ARHGAP29: variants seen among roughly 807,000 people sequenced by gnomAD.
ARHGAP29 encodes the protein rho GTPase-activating protein 29.
ARHGAP29 carries 43 observed loss-of-function variants against 122.6 expected under a neutral mutation model. The observed-to-expected ratio is 0.35, with a 90% CI of 0.27 to 0.45. The LOEUF is 0.45. ARHGAP29 is among the 20% of genes least tolerant of loss of function. The probability of loss-of-function intolerance (pLI) is 1.00; values close to 1 mark genes in which losing one functional copy is unlikely to be tolerated. For missense variants in ARHGAP29, 1,303 were observed against 1,477.2 expected (o/e 0.88, Z 1.93); for synonymous variants, 506 against 497.1 (o/e 1.02, Z -0.24).
the ARHGAP29 span, among the ~76,000 whole-genome samples, chr1:94,281,198 C>T: frequency 6.6e-6 from 1 of 152,138 alleles, no homozygotes; most frequent in Non-Finnish European, 1.5e-5. Flanking sequence ...TCACACACTC[C>T]TATAGACACA....
chr1:94,187,862 T>C (rs1649898683), intron 15 of ARHGAP29, among the ~76,000 whole-genome samples: 1 of 152,160 alleles, frequency 6.6e-6, no homozygotes, highest in African/African-American at 2.4e-5. Context: ...GTGCTAGTTC[T>C]AAAGAAGGCA....
chr1:94,235,013 C>T (rs931335531), intron 1 of ARHGAP29, among the ~76,000 whole-genome samples: 3 of 151,986 alleles, frequency 2.0e-5, no homozygotes, highest in Non-Finnish European at 4.4e-5. Context: ...CATTTTTAGA[C>T]AAGACTTAAA....
rs755542411 is a variant in ARHGAP29 at position 94,173,890 on chromosome 1, A to G, written c.3765T>C (p.Gly1255=). The G allele has an allele frequency of 2.1e-5, 33 of 1,601,890 alleles. No individual in the cohort carries two copies. The highest frequency in any genetic ancestry group is 2.5e-5 in the Non-Finnish European group (29 of 1,171,540). The change falls in exon 23 of 23, where the codon GGT becomes GGC. Residue 1255 remains glycine, a synonymous_variant. Coordinates refer to ENST00000260526, the MANE Select transcript of ARHGAP29 (RefSeq NM_004815.4). ...ATCCCTACACAAATTGTGGAATTTC[A>G]CCTTCGAGGTCTTCAAACTGTTGCA... ...KRMQQFEDLE[G]EIPQFV is the part of the protein sequence containing the mutation.
At chr1:94,244,693 G>A (rs1054368551) in intron 1 of ARHGAP29, among the ~76,000 whole-genome samples, 6 of 151,986 alleles carry the variant, frequency 3.9e-5, no homozygotes, top group Non-Finnish European at 7.4e-5. Flanking sequence ...TCTAATAAAT[G>A]AATATAGCAA....
intron 1 of ARHGAP29, among the ~76,000 whole-genome samples, chr1:94,264,036 T>C (rs965113033): frequency 6.6e-6 from 1 of 152,210 alleles, no homozygotes; most frequent in African/African-American, 2.4e-5. Flanking sequence ...CTAGTTGAGA[T>C]CCCTAGAAGT....
At chr1:94,313,705 A>T in the ARHGAP29 span, among the ~76,000 whole-genome samples, 9 of 152,246 alleles carry the variant, frequency 5.9e-5, no homozygotes, top group African/African-American at 2.2e-4. Flanking sequence ...TATTCACAAT[A>T]GCAAAGACTT....
upstream of ARHGAP29, among the ~76,000 whole-genome samples, chr1:94,241,793 T>C (rs1175246397): frequency 1.3e-5 from 2 of 149,520 alleles, no homozygotes. Flanking sequence ...TACTCTTCCC[T>C]GTAGTAAACA....
At chr1:94,268,571 T>C (rs576026166) in intron 1 of ARHGAP29, among the ~76,000 whole-genome samples, 3 of 152,338 alleles carry the variant, frequency 2.0e-5, no homozygotes, top group Admixed American at 2.0e-4. Context: ...ATTAATACTT[T>C]CAAGTGACTA....
chr1:94,263,007 A>C (rs1295849765), intron 1 of ARHGAP29, among the ~76,000 whole-genome samples: 1 of 152,236 alleles, frequency 6.6e-6, no homozygotes, highest in Admixed American at 6.5e-5. Flanking sequence ...ATGCCCATCA[A>C]CGGTAATCTG....
At chr1:94,189,854 T>G (rs1181887878) in intron 13 of ARHGAP29, 72 bp downstream of exon 13, 4 of 1,475,374 alleles carry the variant, frequency 2.7e-6, no homozygotes, top group Non-Finnish European at 3.7e-6. Context: ...GTCTCCTCCT[T>G]GTACTAGATA....
chr1:94,300,038 A>G, the ARHGAP29 span, among the ~76,000 whole-genome samples: 2 of 152,338 alleles, frequency 1.3e-5, no homozygotes, highest in Admixed American at 6.5e-5. Flanking sequence ...AAACATGCAC[A>G]TATGCCAGTG....
At chr1:94,265,857 G>A (rs961392473) in intron 1 of ARHGAP29, among the ~76,000 whole-genome samples, 8 of 152,128 alleles carry the variant, frequency 5.3e-5, no homozygotes, top group African/African-American at 1.9e-4. Flanking sequence ...AGAGGGAATG[G>A]GGGAGCACCA....
At chr1:94,285,885 A>G in the ARHGAP29 span, among the ~76,000 whole-genome samples, 3 of 151,506 alleles carry the variant, frequency 2.0e-5, no homozygotes, top group Non-Finnish European at 4.4e-5. Flanking sequence ...AAAAAAAAAA[A>G]AAAAAGAAAA....
chr1:94,223,325 T>C (rs1018854513), intron 2 of ARHGAP29, among the ~76,000 whole-genome samples: 3 of 152,180 alleles, frequency 2.0e-5, no homozygotes, highest in East Asian at 3.8e-4. Flanking sequence ...TTGAAAAGCA[T>C]AGTCTCTGAA....
rs140638899 is a variant in ARHGAP29 at position 94,174,632 on chromosome 1, C to T, written c.3023G>A (p.Arg1008Lys). 209 of 1,614,006 alleles carry T rather than the reference C, an allele frequency of 1.3e-4. 1 individual carries two copies. In the African/African-American group the frequency reaches 1.3e-3, roughly 10 times the overall value. The change falls in exon 23 of 23, where the codon AGG becomes AAG. Residue 1008 changes from arginine (R) to lysine (K), a missense_variant. Transcript: ENST00000260526. Reference protein sequence around the residue: ...KSDRSTNNVERHTPRTKIRPV... With the variant: ...KSDRSTNNVEKHTPRTKIRPV... ...TCTAATCTTGGTCCTTGGAGTATGC[C>T]TCTCCACATTGTTTGTTGACCTATC...
chr1:94,313,312 A>C, the ARHGAP29 span, among the ~76,000 whole-genome samples: 1 of 152,186 alleles, frequency 6.6e-6, no homozygotes, highest in Non-Finnish European at 1.5e-5. Context: ...CATCTCAGAG[A>C]AAACTTCCCT....
the ARHGAP29 span, among the ~76,000 whole-genome samples, chr1:94,290,543 T>C: frequency 6.6e-6 from 1 of 152,278 alleles, no homozygotes; most frequent in East Asian, 1.9e-4. Context: ...CTTTCCTGCT[T>C]TCTCTTGTGG....
At chr1:94,185,748 A>G (rs1314590332) in intron 16 of ARHGAP29, among the ~76,000 whole-genome samples, 1 of 152,176 alleles carries the variant, frequency 6.6e-6, no homozygotes, top group Non-Finnish European at 1.5e-5. Context: ...TAACGTTTTC[A>G]GAATCAGCAT....
In ARHGAP29 at chr1:94,174,214, G is replaced by A; in HGVS notation, c.3441C>T (p.Tyr1147=). The A allele has an allele frequency of 2.5e-6, 4 of 1,614,178 alleles. No homozygotes were observed. The highest frequency in any genetic ancestry group is 3.4e-6 in the Non-Finnish European group (4 of 1,180,036). ...EASERRSSDS[Y]PLAPVRAPRT... ...TGGGTGCTCTGACAGGAGCGAGAGG[G>A]TAGGAATCTGAAGACCGTCTCTCAG... The change falls in exon 23 of 23, where the codon TAC becomes TAT. Residue 1147 remains tyrosine (Y), a synonymous_variant. Transcript: ENST00000260526.
Sources: allele counts gnomAD v4.1 joint callset (sites outside exome capture counted in the v4.1 genomes callset), GRCh38; gene constraint gnomAD v4.1.1; transcripts MANE v1.5; gene names NCBI Gene and HGNC (gene_info 2026-07-23, HGNC 2026-07-21).